The following FBXO6 variants were observed in gnomAD, a reference collection of about 807,000 sequenced individuals.
FBXO6 encodes F-box protein 6, also known as F-box only protein 6.
FBXO6 carries 13 observed loss-of-function variants against 25.0 expected under a neutral mutation model. The ratio of observed to expected loss-of-function variants is 0.52; its 90% CI spans 0.34 to 0.83. The LOEUF is 0.83. Among genes scored for constraint, FBXO6 ranks in the 40% least tolerant of loss-of-function variants. FBXO6 has a pLI of 0.02. For synonymous variants in FBXO6, 138 were observed against 155.3 expected (o/e 0.89, Z 0.83); for missense variants, 370 against 380.2 (o/e 0.97, Z 0.22).
In FBXO6 at chr1:11,668,433, G is replaced by C. The variant is rs191458879; in HGVS notation, c.-3-223G>C. On this transcript the variant is annotated intron_variant, in intron 1 of 5. Transcript: ENST00000376753. ...TTTTTTTTTAGCCAGAGTCTTGCTTGGTTGCCCGGGCAGGGGTGCAGTGGC... is the reference window on the plus strand; with the variant it reads ...TTTTTTTTTAGCCAGAGTCTTGCTTCGTTGCCCGGGCAGGGGTGCAGTGGC... 3.0e-3 allele frequency among the ~76,000 whole-genome samples: 438 copies of C among 147,298 alleles called. 2 individuals are homozygous for C. Among genetic ancestry groups the C allele is most frequent in the African/African-American group, 0.01 (403 of 39,294 alleles).
intron 2 of FBXO6, among the ~76,000 whole-genome samples, chr1:11,670,466 C>CACCGACAA (rs1420332786): frequency 3.3e-5 from 5 of 152,060 alleles, no homozygotes; most frequent in African/African-American, 1.2e-4. Flanking sequence ...TCCCATGACC[C>CACCGACAA]ACCGACAAAC....
At chr1:11,665,859 T>C (rs1448151876) in intron 1 of FBXO6, among the ~76,000 whole-genome samples, 1 of 128,766 alleles carries the variant, frequency 7.8e-6, no homozygotes, top group Non-Finnish European at 1.6e-5. Flanking sequence ...GCACCCGACC[T>C]AATTTCTTTT....
chr1:11,665,565 T>TTTTTTTTTTTC lies in FBXO6; in HGVS notation c.-4+1320_-4+1321insCTTTTTTTTTT, dbSNP rs1640406501. Among the ~76,000 whole-genome samples the TTTTTTTTTTTC allele has an allele frequency of 3.3e-5, 3 of 91,958 alleles. 1 individual carries two copies. The highest frequency in any genetic ancestry group is 1.8e-4 in the African/African-American group (3 of 16,938). The allele number at this position is 91,958 out of a possible 152,430, so 60.3% of individuals were successfully genotyped here. A position where few individuals can be genotyped will look rare whatever the true frequency, so the allele number is the denominator to read the frequency against. On this transcript the variant is annotated intron_variant, in intron 1 of 5. Coordinates refer to ENST00000376753, the MANE Select transcript of FBXO6 (RefSeq NM_018438.6). ...CCACCGCGCCCGGCCTTTTTTTTTT[T>TTTTTTTTTTTC]TTTTTTTTTTTTTGAGACAGATTCT...
chr1:11,671,798 G>A lies in FBXO6; in HGVS notation c.414-130G>A, dbSNP rs563622457. The stretch of plus-strand genomic sequence containing the variant: ...GTCAGCCCCAGCCAGTGCCTGTCCC[G>A]CAGCGGCCAAGGGGTACCCTAGGTC... On this transcript the variant is annotated intron_variant, in intron 3 of 5. Transcript: ENST00000376753. 2.8e-4 allele frequency: 222 copies of A among 785,022 alleles called. 1 individual carries two copies. The Admixed American group carries it at 4.1e-3, about 14-fold the overall frequency. The allele number at this position is 785,022 out of a possible 1,614,324, so 48.6% of individuals were successfully genotyped here.
intron 1 of FBXO6, 102 bp from the exon 2 acceptor site, chr1:11,668,554 A>G (rs1640510182): frequency 2.1e-6 from 3 of 1,426,924 alleles, no homozygotes; most frequent in Non-Finnish European, 2.8e-6. Flanking sequence ...GTGCCACCAC[A>G]CCTGGCTAAT....
Position 11,673,797 on chromosome 1 carries a change from T to C in FBXO6, c.828T>C (p.His276=). The C allele has an allele frequency of 6.2e-7, 1 of 1,614,070 alleles. No individual in the cohort carries two copies. Among genetic ancestry groups the C allele is most frequent in the Non-Finnish European group, 8.5e-7 (1 of 1,179,998 alleles). Reference sequence around the variant, plus strand: ...CCGAGGCTCAGCCTGGGCAGAAGCATGGACAGGAGGAGGCTGCCCAATCGC... The same window carrying C: ...CCGAGGCTCAGCCTGGGCAGAAGCACGGACAGGAGGAGGCTGCCCAATCGC... ...ASSEAQPGQK[H]GQEEAAQSPY... The change falls in exon 6 of 6, where the codon CAT becomes CAC. Residue 276 remains histidine, a synonymous_variant. Transcript: ENST00000376753. This position sits in a 1 kb window ranked among gnomAD's most constrained non-coding sequence, Gnocchi z 4.3.
chr1:11,673,978 T>C lies in FBXO6; in HGVS notation c.*127T>C, dbSNP rs180671706. The C allele has an allele frequency of 1.8e-4, 145 of 785,614 alleles. 1 individual carries two copies. The African/African-American group carries it at 2.1e-3, about 12-fold the overall frequency. The allele number at this position is 785,614 out of a possible 1,614,324, so 48.7% of individuals were successfully genotyped here. On this transcript the variant is annotated 3_prime_UTR_variant, in exon 6 of 6. Transcript: ENST00000376753. The surrounding 1 kb of genome is among the most constrained non-coding windows in gnomAD (Gnocchi z 4.3). ...TTCAACCCTACCAGCTTGTGGTAAC[T>C]TACTGTCACATAGCTCTGACGTTTT...
Position 11,673,145 on chromosome 1 carries a change from G to C in FBXO6, c.510-132G>C. The stretch of plus-strand genomic sequence containing the variant: ...GCATAGGGAGCGCTGAAGCCAGCTG[G>C]GCCTTGCAGGCAGAGCAGTGTCAGC... On this transcript the variant is annotated intron_variant, in intron 4 of 5. Coordinates refer to ENST00000376753, the MANE Select transcript of FBXO6 (RefSeq NM_018438.6). The surrounding 1 kb of genome is among the most constrained non-coding windows in gnomAD (Gnocchi z 4.3). 1 of 1,143,296 alleles carries C rather than the reference G, an allele frequency of 8.7e-7. No homozygotes were observed. Among genetic ancestry groups the C allele is most frequent in the African/African-American group, 1.6e-5 (1 of 64,008 alleles). The allele number at this position is 1,143,296 out of a possible 1,614,324, so 70.8% of individuals were successfully genotyped here.
intron 1 of FBXO6, among the ~76,000 whole-genome samples, chr1:11,667,189 G>C (rs1191642766): frequency 6.6e-6 from 1 of 151,992 alleles, no homozygotes; most frequent in Non-Finnish European, 1.5e-5. Flanking sequence ...GCAAGGTTCT[G>C]TTTCCCTGCT....
intron 1 of FBXO6, among the ~76,000 whole-genome samples, chr1:11,668,187 T>G (rs900134979): frequency 1.3e-5 from 2 of 151,990 alleles, no homozygotes; most frequent in African/African-American, 2.4e-5. Context: ...CAGACAAGTG[T>G]GGCCTCCACA....
At chr1:11,672,308 A>G (rs1640640450) in intron 4 of FBXO6, among the ~76,000 whole-genome samples, 1 of 150,646 alleles carries the variant, frequency 6.6e-6, no homozygotes. Flanking sequence ...TTTTTTTGAG[A>G]CGGAGTCTCG....
intron 3 of FBXO6, among the ~76,000 whole-genome samples, 153 bp from the exon 4 acceptor site, chr1:11,671,775 C>T (rs1640621376): frequency 1.3e-5 from 2 of 152,350 alleles, no homozygotes; most frequent in Admixed American, 1.3e-4. Context: ...AAGCCAGAGT[C>T]AGCCCCAGCC....
Position 11,671,383 on chromosome 1 carries a change from C to A in FBXO6, c.404C>A (p.Thr135Lys), listed in dbSNP as rs779768582. The A allele has an allele frequency of 6.2e-7, 1 of 1,613,844 alleles. No homozygotes were observed. Among genetic ancestry groups the A allele is most frequent in the Non-Finnish European group, 8.5e-7 (1 of 1,179,882 alleles). Residue 135 changes from threonine to lysine, a missense_variant, in exon 3 of 6, where the codon ACA becomes AAA. Transcript: ENST00000376753. ...PDPKVKKYFV[T>K]SYEMCLKSQL... ...CCCAAAGTCAAGAAGTATTTTGTCA[C>A]ATCCTACGAGTAAGGCAAACTGAAC...
chr1:11,669,824 A>C (rs564890312), intron 2 of FBXO6, among the ~76,000 whole-genome samples: 1 of 149,662 alleles, frequency 6.7e-6, no homozygotes, highest in African/African-American at 2.5e-5. Flanking sequence ...TTTAGTAGAG[A>C]TGAGGTTTTG....
At chr1:11,669,631 T>C (rs1640549335) in intron 2 of FBXO6, among the ~76,000 whole-genome samples, 1 of 149,724 alleles carries the variant, frequency 6.7e-6, no homozygotes, top group Admixed American at 6.7e-5. Context: ...TATATACACA[T>C]GTATACATAT....
intron 1 of FBXO6, among the ~76,000 whole-genome samples, chr1:11,667,790 G>A (rs940276241): frequency 1.3e-5 from 2 of 152,150 alleles, no homozygotes; most frequent in East Asian, 1.9e-4. Context: ...AGTCTGGGAT[G>A]TAAAACTGAT....
chr1:11,665,225 T>C (rs1218035445), intron 1 of FBXO6, among the ~76,000 whole-genome samples: 6 of 118,808 alleles, frequency 5.1e-5, no homozygotes, highest in Non-Finnish European at 1.0e-4. Context: ...CTTTTTTTTT[T>C]TTTTTTTTTT....
Position 11,673,491 on chromosome 1 carries a change from C to A in FBXO6, c.645+79C>A. On this transcript the variant is annotated intron_variant, in intron 5 of 5. Transcript: ENST00000376753. The surrounding 1 kb of genome is among the most constrained non-coding windows in gnomAD (Gnocchi z 4.3). ...CAGGAAGCAAAGGGCAGCCTCAGGG[C>A]CCAGGGTGCCCCTGCTGGCCTGGAG... 6.3e-7 allele frequency: 1 copy of A among 1,584,498 alleles called. No homozygotes were observed. The highest frequency in any genetic ancestry group is 8.6e-7 in the Non-Finnish European group (1 of 1,162,218).
chr1:11,665,714 C>G (rs1640414763), intron 1 of FBXO6, among the ~76,000 whole-genome samples: 1 of 151,740 alleles, frequency 6.6e-6, no homozygotes, highest in Non-Finnish European at 1.5e-5. Flanking sequence ...GCGTCCGCCA[C>G]CACGCCCAGC....
Sources: allele counts gnomAD v4.1 joint callset (sites outside exome capture counted in the v4.1 genomes callset), GRCh38; gene constraint gnomAD v4.1.1; non-coding constraint Gnocchi (gnomAD v3.1); transcripts MANE v1.5; gene names NCBI Gene and HGNC (gene_info 2026-07-23, HGNC 2026-07-21).